RP1L1: variants seen among roughly 807,000 people sequenced by gnomAD.
RP1L1 encodes retinitis pigmentosa 1-like 1 protein.
RP1L1 carries 27 observed loss-of-function variants against 15.7 expected under a neutral mutation model. The observed-to-expected ratio is 1.72, with a 90% CI of 1.27 to 2.38. The LOEUF is 2.38. Ranked by LOEUF, RP1L1 falls within the 30% of genes most tolerant of loss-of-function variation. The pLI, the probability that RP1L1 is intolerant of heterozygous loss-of-function variation, is 0.00. For synonymous variants in RP1L1, 1,813 were observed against 1,276.7 expected, an observed-to-expected ratio of 1.42 and a Z score of -8.96; for missense variants, 4,798 against 3,075.9, an observed-to-expected ratio of 1.56 and a Z score of -13.24.
In RP1L1 at chr8:10,606,927, C is replaced by G; in HGVS notation, c.7171G>C (p.Asp2391His). ...LAPTEAVGRA[D>H]GFGQDDLDF ...TCTAAGTCATCTTGGCCAAAGCCGT[C>G]TGCCCTGCCCACTGCCTCAGTGGGG... The change falls in exon 4 of 4, where the codon GAC becomes CAC. Residue 2391 changes from aspartate (D) to histidine (H), a missense_variant. Asp to His is a moderately conservative substitution (Grantham distance 81, BLOSUM62 -1). Transcript: ENST00000382483. 6.2e-7 allele frequency: 1 copy of G among 1,614,272 alleles called. No homozygotes were observed. Among genetic ancestry groups the G allele is most frequent in the Non-Finnish European group, 8.5e-7 (1 of 1,180,054 alleles).
At chr8:10,640,749 T>A (rs922351611) in intron 1 of RP1L1, among the ~76,000 whole-genome samples, 3 of 152,082 alleles carry the variant, frequency 2.0e-5, no homozygotes, top group Non-Finnish European at 2.9e-5. Context: ...TTTTGTGCTA[T>A]AATATTCCAA....
rs55642448 is a variant in RP1L1 at position 10,607,245 on chromosome 8, C to T, written c.6853G>A (p.Gly2285Arg). ...DRPTPPPSPG[G>R]DTPHQRPGSQ... ...CCTGGCCTTTGGTGGGGAGTGTCTC[C>T]ACCTGGGGAAGGGGGTGGAGTGGGC... Residue 2285 changes from glycine (G) to arginine (R), a missense_variant, in exon 4 of 4, where the codon GGA becomes AGA. Gly to Arg is a moderately radical substitution (Grantham distance 125). Coordinates refer to ENST00000382483, the MANE Select transcript of RP1L1 (RefSeq NM_178857.6). 675,584 of 1,613,930 alleles carry T rather than the reference C, an allele frequency of 0.42. 146,192 individuals are homozygous for T. Among genetic ancestry groups the T allele is most frequent in the Admixed American group, 0.6 (35,837 of 60,010 alleles).
At chr8:10,649,793 G>A (rs1002877297) in intron 1 of RP1L1, among the ~76,000 whole-genome samples, 3 of 152,152 alleles carry the variant, frequency 2.0e-5, no homozygotes, top group Non-Finnish European at 4.4e-5. Context: ...GACAACACAC[G>A]GGATTACAGA....
chr8:10,634,824 C>T (rs1316901659), intron 1 of RP1L1, among the ~76,000 whole-genome samples: 1 of 152,270 alleles, frequency 6.6e-6, no homozygotes, highest in East Asian at 1.9e-4. Context: ...TATGGCTCTT[C>T]CACCTGGTGT....
rs1388617778 is a variant in RP1L1, at chr8:10,607,914, C to A, written c.6184G>T (p.Glu2062Ter). The change falls in exon 4 of 4, where the codon GAG becomes TAG. Residue 2062 changes from glutamate to a stop codon, truncating the protein, a stop_gained. Transcript: ENST00000382483. LOFTEE classifies it low-confidence loss of function (END_TRUNC). The part of the protein sequence containing the change: ...SDGVEAPEAE[E>*]EAQEAEGEVQ... The stretch of plus-strand genomic sequence containing the variant: ...TCCCCTTCAGCCTCCTGTGCCTCCT[C>A]TTCTGCCTCCGGGGCCTCTACACCG... The A allele has an allele frequency of 1.2e-6, 2 of 1,600,488 alleles. No individual in the cohort carries two copies. The highest frequency in any genetic ancestry group is 1.3e-5 in the African/African-American group (1 of 74,338).
chr8:10,644,163 G>C (rs936504415), intron 1 of RP1L1, among the ~76,000 whole-genome samples: 1 of 152,020 alleles, frequency 6.6e-6, no homozygotes, highest in African/African-American at 2.4e-5. Context: ...GCTCCGTTCG[G>C]GGACAGGGCA....
Position 10,625,859 on chromosome 8 carries a change from C to G in RP1L1, c.-19-2639G>C, listed in dbSNP as rs530921517. ...CAGCAAACCCCAGGGTCCACTTGTA[C>G]CGATCAGAGCCAGGGGAGGCTGAGT... is the stretch of plus-strand genomic sequence containing the variant. On this transcript the variant is annotated intron_variant, in intron 1 of 3. Transcript: ENST00000382483. 9.2e-5 allele frequency among the ~76,000 whole-genome samples: 14 copies of G among 152,120 alleles called. No homozygotes were observed. In the East Asian group the frequency reaches 2.5e-3, roughly 27 times the overall value.
At chr8:10,639,192 T>TG (rs944658823) in intron 1 of RP1L1, among the ~76,000 whole-genome samples, 29 of 151,568 alleles carry the variant, frequency 1.9e-4, no homozygotes, top group African/African-American at 6.8e-4. Flanking sequence ...ATTGCCTCTG[T>TG]GGAGACCTTT....
At chr8:10,644,712 A>T (rs1345803836) in intron 1 of RP1L1, among the ~76,000 whole-genome samples, 1 of 152,222 alleles carries the variant, frequency 6.6e-6, no homozygotes, top group Non-Finnish European at 1.5e-5. Flanking sequence ...GGAGCCCTGA[A>T]GCCACACCCA....
chr8:10,610,182 T>A lies in RP1L1; in HGVS notation c.3916A>T (p.Thr1306Ser). 1 of 1,191,100 alleles carries A rather than the reference T, an allele frequency of 8.4e-7. No homozygotes were observed. The highest frequency in any genetic ancestry group is 1.3e-5 in the South Asian group (1 of 75,976). 73.8% of individuals were successfully genotyped at this position (1,191,100 alleles called of 1,614,324 possible). A position where few individuals can be genotyped will look rare whatever the true frequency, so the allele number is the denominator to read the frequency against. Reference protein sequence around the residue: ...TVQEEVQLEETKEGTEGEGLQ... With the variant: ...TVQEEVQLEESKEGTEGEGLQ... ...CCTTCTCCTTCTGTTCCTTCTTTAG[T>A]TTCCTCTAATTGCACCTCTTCTTGC... Residue 1306 changes from threonine to serine, a missense_variant, in exon 4 of 4, where the codon ACT (threonine) becomes TCT (serine). By Grantham distance (58) the Thr-to-Ser change is moderately conservative. Coordinates refer to ENST00000382483, the MANE Select transcript of RP1L1 (RefSeq NM_178857.6).
In RP1L1 at chr8:10,611,169, C is replaced by T; in HGVS notation, c.2929G>A (p.Asp977Asn). 6.2e-7 allele frequency: 1 copy of T among 1,612,988 alleles called. No homozygotes were observed. The highest frequency in any genetic ancestry group is 8.5e-7 in the Non-Finnish European group (1 of 1,180,032). ...EPILMTYELA[D>N]ETTGAAGGGL... is the part of the protein sequence containing the mutation. ...CCCCCAGCTGCACCTGTGGTCTCGT[C>T]CGCCAACTCATATGTCATGAGTATG... Residue 977 changes from aspartate to asparagine, a missense_variant, in exon 4 of 4, where the codon GAC (aspartate) becomes AAC (asparagine). Physicochemically the swap from Asp to Asn is conservative, Grantham distance 23. Transcript: ENST00000382483.
chr8:10,633,357 C>T (rs966717813), intron 1 of RP1L1, among the ~76,000 whole-genome samples: 9 of 152,194 alleles, frequency 5.9e-5, no homozygotes, highest in African/African-American at 1.7e-4. Context: ...GACAAGGCAA[C>T]CCAGAAAGGC....
Position 10,623,150 on chromosome 8 carries a change from G to C in RP1L1, c.52C>G (p.Leu18Val). 2 of 1,601,168 alleles carry C rather than the reference G, an allele frequency of 1.2e-6. No homozygotes were observed. Among genetic ancestry groups the C allele is most frequent in the Non-Finnish European group, 1.7e-6 (2 of 1,172,782 alleles). Residue 18 changes from leucine to valine, a missense_variant, in exon 2 of 4, where the codon CTG (leucine) becomes GTG (valine). Leu to Val is a conservative substitution (Grantham distance 32). Coordinates refer to ENST00000382483, the MANE Select transcript of RP1L1 (RefSeq NM_178857.6). The part of the protein sequence containing the change: ...AQAPSHRECF[L>V]PSVARTPSVT... ...GAGGGGGTGCGAGCCACAGAGGGCA[G>C]GAAGCACTCACGGTGGCTCGGGGCC...
In RP1L1 at chr8:10,629,709, C is replaced by T. The variant is rs138558188; in HGVS notation, c.-19-6489G>A. 1.2e-4 allele frequency among the ~76,000 whole-genome samples: 18 copies of T among 152,274 alleles called. No homozygotes were observed. In the East Asian group the frequency reaches 1.9e-3, roughly 16 times the overall value. On this transcript the variant is annotated intron_variant, in intron 1 of 3. Coordinates refer to ENST00000382483, the MANE Select transcript of RP1L1 (RefSeq NM_178857.6). Reference sequence around the variant, plus strand: ...AATAGTCTAGAGATGGCCACTCCCACGCTGGCATGGGGGCTCCATGGTGCC... The same window carrying T: ...AATAGTCTAGAGATGGCCACTCCCATGCTGGCATGGGGGCTCCATGGTGCC...
In RP1L1 at chr8:10,648,648, G is replaced by A. The variant is rs76158239; in HGVS notation, c.-20+6250C>T. On this transcript the variant is annotated intron_variant, in intron 1 of 3. Coordinates refer to ENST00000382483, the MANE Select transcript of RP1L1 (RefSeq NM_178857.6). ...CTGTCTCCTTCGAAGTCACCCCCACGTCTTTGCCAGTAAAATGGGAGCTTC... is the reference window on the plus strand; with the variant it reads ...CTGTCTCCTTCGAAGTCACCCCCACATCTTTGCCAGTAAAATGGGAGCTTC... Among the ~76,000 whole-genome samples, 480 of 152,254 alleles carry A rather than the reference G, an allele frequency of 3.2e-3. 9 individuals are homozygous for A. Among genetic ancestry groups the A allele is most frequent in the East Asian group, 0.025 (131 of 5,184 alleles).
chr8:10,631,111 C>T (rs754939968), intron 1 of RP1L1, among the ~76,000 whole-genome samples: 1 of 152,062 alleles, frequency 6.6e-6, no homozygotes, highest in African/African-American at 2.4e-5. Flanking sequence ...CAGGGCCTAA[C>T]GTTGTGAAAG....
chr8:10,614,721 A>G (rs1797938193), intron 3 of RP1L1, among the ~76,000 whole-genome samples: 1 of 151,562 alleles, frequency 6.6e-6, no homozygotes, highest in African/African-American at 2.4e-5. Flanking sequence ...AGGAAGGAAA[A>G]AAAAAAGAAA....
intron 2 of RP1L1, chr8:10,621,585 C>T (rs1243365448): frequency 7.4e-6 from 3 of 403,044 alleles, no homozygotes; most frequent in South Asian, 3.6e-5. Flanking sequence ...CTCAGCCTCC[C>T]AAAGTGCTGG....
chr8:10,612,441 G>A lies in RP1L1; in HGVS notation c.1657C>T (p.Gln553Ter). ...EGSSEWGGRP[Q>*]GCPGKARAET... ...GCCCTTGCCTTGCCTGGACAGCCCT[G>A]GGGCCGCCCACCCCATTCGCTGGAT... Residue 553 changes from glutamine (Q) to a stop codon, truncating the protein, a stop_gained, in exon 4 of 4, where the codon CAG becomes TAG. Coordinates refer to ENST00000382483, the MANE Select transcript of RP1L1 (RefSeq NM_178857.6). LOFTEE classifies it low-confidence loss of function (END_TRUNC). 1 of 1,612,588 alleles carries A rather than the reference G, an allele frequency of 6.2e-7. No individual in the cohort carries two copies. The highest frequency in any genetic ancestry group is 8.5e-7 in the Non-Finnish European group (1 of 1,180,006).
Sources: gnomAD v4.1 joint callset for allele counts (sites outside exome capture counted in the v4.1 genomes callset) on GRCh38, gnomAD v4.1.1 for gene constraint, MANE v1.5 for transcripts, NCBI Gene and HGNC (gene_info 2026-07-23, HGNC 2026-07-21) for gene names.